The following PEX5L variants were observed in gnomAD, a reference collection of about 807,000 sequenced individuals.
PEX5L encodes peroxisomal biogenesis factor 5 like, also known as PEX5-related protein.
Under a neutral mutation model 84.0 loss-of-function variants are expected in PEX5L, and 30 were observed. The ratio of observed to expected loss-of-function variants is 0.36; its 90% CI spans 0.27 to 0.48. PEX5L has a LOEUF of 0.48. Ranked by LOEUF, PEX5L falls within the 20% of genes least tolerant of loss-of-function variation. PEX5L has a pLI of 0.99. For missense variants in PEX5L, 533 were observed against 754.6 expected (o/e 0.71, Z 3.44); for synonymous variants, 270 against 283.1 (o/e 0.95, Z 0.46).
At chr3:179,987,618 G>A (rs1786974260) in intron 1 of PEX5L, among the ~76,000 whole-genome samples, 2 of 152,102 alleles carry the variant, frequency 1.3e-5, no homozygotes, top group Admixed American at 6.5e-5. Flanking sequence ...TTAAAATCAA[G>A]CAGCATGAAG....
chr3:179,826,797 A>G (rs1004012034), intron 8 of PEX5L, among the ~76,000 whole-genome samples: 2 of 152,228 alleles, frequency 1.3e-5, no homozygotes, highest in African/African-American at 4.8e-5. Flanking sequence ...GTTTTAAAAA[A>G]TAAAGTATTG....
intron 1 of PEX5L, among the ~76,000 whole-genome samples, chr3:180,000,307 A>G (rs1479107101): frequency 6.6e-6 from 1 of 152,144 alleles, no homozygotes; most frequent in Non-Finnish European, 1.5e-5. Context: ...ATCAAGATGA[A>G]ATCAGTCTAC....
chr3:179,877,513 C>T (rs1314532149), intron 5 of PEX5L, among the ~76,000 whole-genome samples: 1 of 152,110 alleles, frequency 6.6e-6, no homozygotes, highest in African/African-American at 2.4e-5. Flanking sequence ...GGCTGAAGTG[C>T]TATGGTGCAG....
At chr3:179,944,117 C>T (rs574123960) in intron 2 of PEX5L, among the ~76,000 whole-genome samples, 15 of 151,996 alleles carry the variant, frequency 9.9e-5, no homozygotes, top group South Asian at 8.3e-4. Flanking sequence ...TCATGATGTC[C>T]GGGTAGTTCA....
At position 179,795,248 on chromosome 3, in the gene PEX5L, A is replaced by G. The variant is rs188716427; in HGVS notation, c.*6580T>C. Reference sequence around the variant, plus strand: ...TCCTGAAAAGACCTCGAAGCCGCAGACAAAGTTTATTTGAAAACATAGTTT... The same window carrying G: ...TCCTGAAAAGACCTCGAAGCCGCAGGCAAAGTTTATTTGAAAACATAGTTT... On this transcript the variant is annotated 3_prime_UTR_variant, in exon 15 of 15. Transcript: ENST00000467460. 6.8e-6 allele frequency: 1 copy of G among 147,558 alleles called. No homozygotes were observed. Among genetic ancestry groups the G allele is most frequent in the Admixed American group, 6.7e-5 (1 of 14,986 alleles). 9.1% of individuals were successfully genotyped at this position (147,558 alleles called of 1,614,324 possible). A position where few individuals can be genotyped will look rare whatever the true frequency, so the allele number is the denominator to read the frequency against.
intron 9 of PEX5L, among the ~76,000 whole-genome samples, chr3:179,816,529 T>C (rs1003728692): frequency 3.3e-5 from 5 of 151,674 alleles, no homozygotes; most frequent in East Asian, 3.9e-4. Flanking sequence ...TAAGTGGGAG[T>C]TGAACAATGA....
intron 1 of PEX5L, among the ~76,000 whole-genome samples, chr3:179,979,131 A>C (rs1216948331): frequency 6.6e-6 from 1 of 152,232 alleles, no homozygotes; most frequent in Non-Finnish European, 1.5e-5. Flanking sequence ...TAGGCAGAAA[A>C]CAAAAATTCA....
At chr3:179,989,985 T>G (rs1260266404) in intron 1 of PEX5L, among the ~76,000 whole-genome samples, 1 of 152,230 alleles carries the variant, frequency 6.6e-6, no homozygotes, top group Non-Finnish European at 1.5e-5. Flanking sequence ...ACTTATTAAA[T>G]TATAGCATTA....
rs1718206503 is a variant in PEX5L, at chr3:179,799,419, GT to G, written c.*2408del. 1 of 152,158 alleles carries G rather than the reference GT, an allele frequency of 6.6e-6. No homozygotes were observed. The highest frequency in any genetic ancestry group is 2.1e-4 in the South Asian group (1 of 4,834). The allele number at this position is 152,158 out of a possible 1,614,324, so 9.4% of individuals were successfully genotyped here. A position where few individuals can be genotyped will look rare whatever the true frequency, so the allele number is the denominator to read the frequency against. On this transcript the variant is annotated 3_prime_UTR_variant, in exon 15 of 15. Transcript: ENST00000467460. Reference sequence around the variant, plus strand: ...CAAATAATGGTAAGAATGGAAGATTGTTTAGTCTTCCCTAAAACAGCTCCTT... The same window carrying G: ...CAAATAATGGTAAGAATGGAAGATTGTTAGTCTTCCCTAAAACAGCTCCTT...
At chr3:179,910,284 G>T (rs1223677241) in intron 2 of PEX5L, among the ~76,000 whole-genome samples, 1 of 152,170 alleles carries the variant, frequency 6.6e-6, no homozygotes, top group Non-Finnish European at 1.5e-5. Flanking sequence ...CAGCAGAGCT[G>T]TGCTTTCTCT....
Position 179,846,338 on chromosome 3 carries a change from G to A in PEX5L, c.822+12724C>T, listed in dbSNP as rs74492471. Among the ~76,000 whole-genome samples, 348 of 152,264 alleles carry A rather than the reference G, an allele frequency of 2.3e-3. 1 individual carries two copies. The highest frequency in any genetic ancestry group is 7.7e-3 in the African/African-American group (320 of 41,552). ...CCTCACACACTTACCATTTCTTTGT[G>A]TTGAGAACATTTCAAATCTTCTAGC... is the stretch of plus-strand genomic sequence containing the variant. On this transcript the variant is annotated intron_variant, in intron 8 of 14. Transcript: ENST00000467460.
intron 2 of PEX5L, among the ~76,000 whole-genome samples, chr3:179,916,528 C>T (rs1395731227): frequency 6.6e-6 from 1 of 152,160 alleles, no homozygotes; most frequent in Non-Finnish European, 1.5e-5. Flanking sequence ...AGGCCTGAGA[C>T]ATTACTGTAT....
chr3:179,929,069 A>G (rs771484845), intron 2 of PEX5L, among the ~76,000 whole-genome samples: 2 of 152,222 alleles, frequency 1.3e-5, no homozygotes, highest in Non-Finnish European at 2.9e-5. Context: ...TCACATGATA[A>G]TGACTTATTC....
At chr3:179,849,274 A>T (rs1740837519) in intron 8 of PEX5L, among the ~76,000 whole-genome samples, 1 of 152,238 alleles carries the variant, frequency 6.6e-6, no homozygotes, top group Non-Finnish European at 1.5e-5. Context: ...GGCAAAATCT[A>T]CTTAAGCCTT....
rs1722787780 is a variant in PEX5L, at chr3:179,809,311, T to C, written c.1352+160A>G. ...CCGAAGGTTGGCCCTGGTCTAAGCA[T>C]TAATCTTTCTAACGAGTGATGCTCC... On this transcript the variant is annotated intron_variant, in intron 12 of 14. Coordinates refer to ENST00000467460, the MANE Select transcript of PEX5L (RefSeq NM_016559.3). Among the ~76,000 whole-genome samples the C allele has an allele frequency of 2.0e-5, 3 of 152,090 alleles. No individual in the cohort carries two copies. The South Asian group carries it at 6.2e-4, about 32-fold the overall frequency.
At chr3:180,001,132 G>A (rs1438531801) in intron 1 of PEX5L, among the ~76,000 whole-genome samples, 1 of 152,024 alleles carries the variant, frequency 6.6e-6, no homozygotes, top group Non-Finnish European at 1.5e-5. Context: ...AATGTGAAAA[G>A]ACTAGACTGG....
At chr3:179,904,144 G>C (rs2109070297) in intron 2 of PEX5L, among the ~76,000 whole-genome samples, 1 of 152,146 alleles carries the variant, frequency 6.6e-6, no homozygotes, top group East Asian at 1.9e-4. Context: ...AATGACACAG[G>C]GTATTGAAAA....
intron 12 of PEX5L, 45 bp downstream of exon 12, chr3:179,809,426 A>G: frequency 7.1e-7 from 1 of 1,416,500 alleles, no homozygotes; most frequent in Middle Eastern, 1.8e-4. Flanking sequence ...GATTCATTGT[A>G]TATATGGGTG....
chr3:179,871,308 AC>A (rs2108668872), intron 7 of PEX5L, among the ~76,000 whole-genome samples: 1 of 151,878 alleles, frequency 6.6e-6, no homozygotes, highest in South Asian at 2.1e-4. Flanking sequence ...TCACCATGTT[AC>A]CCAGGCTGCT....
Sources: allele counts gnomAD v4.1 joint callset (sites outside exome capture counted in the v4.1 genomes callset), GRCh38; gene constraint gnomAD v4.1.1; transcripts MANE v1.5; gene names NCBI Gene and HGNC (gene_info 2026-07-23, HGNC 2026-07-21).